The following EIF3H variants were observed in gnomAD, a reference collection of about 807,000 sequenced individuals.
EIF3H encodes the protein eIF-3-gamma.
A neutral mutation model predicts 44.2 loss-of-function variants in EIF3H; 26 were observed. The observed-to-expected ratio is 0.59, with a 90% CI of 0.43 to 0.82. The LOEUF is 0.82. Among genes scored for constraint, EIF3H ranks in the 40% least tolerant of loss-of-function variants. The pLI, the probability that EIF3H is intolerant of heterozygous loss-of-function variation, is 0.00. For missense variants in EIF3H, 359 were observed against 432.8 expected, an observed-to-expected ratio of 0.83 and a Z score of 1.51; for synonymous variants, 166 against 151.9, an observed-to-expected ratio of 1.09 and a Z score of -0.68.
At chr8:116,746,799 C>T (rs1381741042) in intron 1 of EIF3H, among the ~76,000 whole-genome samples, 1 of 152,122 alleles carries the variant, frequency 6.6e-6, no homozygotes, top group Non-Finnish European at 1.5e-5. Flanking sequence ...GACTGCATAA[C>T]GAATTTAATC....
intron 1 of EIF3H, among the ~76,000 whole-genome samples, chr8:116,751,364 T>C (rs1815340676): frequency 6.6e-6 from 1 of 152,226 alleles, no homozygotes; most frequent in Non-Finnish European, 1.5e-5. Context: ...CTCATTCATT[T>C]ATCCTACTTT....
In EIF3H at chr8:116,649,021, T is replaced by G. The variant is rs1229494958; in HGVS notation, c.708-95A>C. ...TTTAAGATATGAACTTGAACTGGCT[T>G]TTGCTAAAAGAATGAGAGCACACAT... is the stretch of plus-strand genomic sequence containing the variant. On this transcript the variant is annotated intron_variant, in intron 5 of 7. Coordinates refer to ENST00000521861, the MANE Select transcript of EIF3H (RefSeq NM_003756.3). 4.4e-6 allele frequency: 5 copies of G among 1,141,518 alleles called. No individual in the cohort carries two copies. In the African/African-American group the frequency reaches 8.0e-5, roughly 18 times the overall value. The allele number at this position is 1,141,518 out of a possible 1,614,324, so 70.7% of individuals were successfully genotyped here. A position where few individuals can be genotyped will look rare whatever the true frequency, so the allele number is the denominator to read the frequency against.
rs938167451 is a variant in EIF3H, at chr8:116,644,915, C to G, written c.*91G>C. 4 of 1,023,842 alleles carry G rather than the reference C, an allele frequency of 3.9e-6. No homozygotes were observed. Among genetic ancestry groups the G allele is most frequent in the Non-Finnish European group, 4.4e-6 (3 of 678,376 alleles). 63.4% of individuals were successfully genotyped at this position (1,023,842 alleles called of 1,614,324 possible). A position where few individuals can be genotyped will look rare whatever the true frequency, so the allele number is the denominator to read the frequency against. On this transcript the variant is annotated 3_prime_UTR_variant, in exon 8 of 8. Transcript: ENST00000521861. The stretch of plus-strand genomic sequence containing the variant: ...AATGACACTAAAGAAATCCTCTGTG[C>G]TTTTCAATATGCAAATATATTTCTT...
intron 2 of EIF3H, among the ~76,000 whole-genome samples, chr8:116,687,678 G>A (rs1814099544): frequency 6.6e-6 from 1 of 152,054 alleles, no homozygotes; most frequent in Admixed American, 6.6e-5. Context: ...TTTCATTTCT[G>A]AAATAATTTT....
chr8:116,664,561 C>T (rs11776214), intron 2 of EIF3H, among the ~76,000 whole-genome samples: 83,145 of 152,030 alleles, frequency 0.55, 24,656 homozygotes, highest in Non-Finnish European at 0.67. Context: ...GTTAAGTGAG[C>T]CCTTGTGAAA....
chr8:116,733,730 AT>A (rs1462395912), intron 1 of EIF3H, among the ~76,000 whole-genome samples: 2 of 151,964 alleles, frequency 1.3e-5, no homozygotes, highest in African/African-American at 4.8e-5. Flanking sequence ...TGAAATATTT[AT>A]TTCTCTTAAA....
intron 2 of EIF3H, among the ~76,000 whole-genome samples, chr8:116,700,476 A>T (rs1219258672): frequency 6.6e-6 from 1 of 152,092 alleles, no homozygotes; most frequent in Non-Finnish European, 1.5e-5. Context: ...GTCCCAAGAC[A>T]ATTCTTCTTC....
chr8:116,657,187 C>T, intron 4 of EIF3H, 28 bp downstream of exon 4: 8 of 1,562,516 alleles, frequency 5.1e-6, no homozygotes, highest in African/African-American at 2.7e-5. Context: ...AATACCCAAC[C>T]CTTTACCAGA....
chr8:116,733,224 T>C (rs1814980957), intron 1 of EIF3H, among the ~76,000 whole-genome samples: 1 of 152,214 alleles, frequency 6.6e-6, no homozygotes, highest in African/African-American at 2.4e-5. Context: ...TATTGGAGGT[T>C]AGGGGGCAGA....
chr8:116,751,783 AC>A (rs1455096423), intron 1 of EIF3H, among the ~76,000 whole-genome samples: 2 of 152,192 alleles, frequency 1.3e-5, no homozygotes, highest in Non-Finnish European at 2.9e-5. Context: ...TTAAATGGTG[AC>A]TTATTCTGTC....
At chr8:116,741,398 A>G (rs1815129946) in intron 1 of EIF3H, among the ~76,000 whole-genome samples, 2 of 152,214 alleles carry the variant, frequency 1.3e-5, no homozygotes, top group South Asian at 2.1e-4. Context: ...TTACAACACG[A>G]TGTTTTGAAT....
At chr8:116,677,004 A>G (rs933240867) in intron 2 of EIF3H, among the ~76,000 whole-genome samples, 1 of 152,214 alleles carries the variant, frequency 6.6e-6, no homozygotes, top group Non-Finnish European at 1.5e-5. Flanking sequence ...ATGGTATGTA[A>G]AAGAAATAAC....
At chr8:116,710,365 C>T (rs561582612) in intron 2 of EIF3H, among the ~76,000 whole-genome samples, 3 of 152,128 alleles carry the variant, frequency 2.0e-5, no homozygotes, top group Non-Finnish European at 4.4e-5. Context: ...CCTACCCTAC[C>T]CAGCTTGATC....
At chr8:116,668,912 G>C (rs1381062829) in intron 2 of EIF3H, among the ~76,000 whole-genome samples, 2 of 152,010 alleles carry the variant, frequency 1.3e-5, no homozygotes, top group Non-Finnish European at 2.9e-5. Context: ...TACTCATCTG[G>C]GTCAGAAGGA....
intron 2 of EIF3H, among the ~76,000 whole-genome samples, chr8:116,701,956 G>C (rs550433061): frequency 6.6e-6 from 1 of 152,194 alleles, no homozygotes; most frequent in South Asian, 2.1e-4. Context: ...AAATATCATG[G>C]TTACATGTTA....
At chr8:116,650,652 G>T (rs967092621) in intron 5 of EIF3H, among the ~76,000 whole-genome samples, 6 of 152,092 alleles carry the variant, frequency 3.9e-5, no homozygotes, top group African/African-American at 1.2e-4. Flanking sequence ...GACACAAAAG[G>T]CTGCTTATTG....
At chr8:116,655,743 C>A in intron 5 of EIF3H, 113 bp downstream of exon 5, 1 of 1,153,824 alleles carries the variant, frequency 8.7e-7, no homozygotes, top group South Asian at 1.3e-5. Context: ...GTTTTAAGAA[C>A]CTATAAACGT....
intron 2 of EIF3H, among the ~76,000 whole-genome samples, chr8:116,682,804 G>A (rs1184893813): frequency 6.6e-6 from 1 of 152,140 alleles, no homozygotes; most frequent in Non-Finnish European, 1.5e-5. Context: ...CTAATCAAGA[G>A]AATATATAAA....
chr8:116,741,341 A>C (rs1248508425), intron 1 of EIF3H, among the ~76,000 whole-genome samples: 1 of 152,224 alleles, frequency 6.6e-6, no homozygotes, highest in African/African-American at 2.4e-5. Context: ...AAGACGCATC[A>C]ATCAGCTGGA....
Sources: allele counts gnomAD v4.1 joint callset (sites outside exome capture counted in the v4.1 genomes callset), GRCh38; gene constraint gnomAD v4.1.1; transcripts MANE v1.5; gene names NCBI Gene and HGNC (gene_info 2026-07-23, HGNC 2026-07-21).